Variants in PCDH15 observed in about 807,000 individuals in gnomAD.
PCDH15 encodes the protein protocadherin related 15, also known as protocadherin-15.
Under a neutral mutation model 178.5 loss-of-function variants are expected in PCDH15, and 129 were observed. The ratio of observed to expected loss-of-function variants is 0.72; its 90% CI spans 0.63 to 0.84. PCDH15 has a LOEUF of 0.84. PCDH15 is among the 40% of genes least tolerant of loss of function. PCDH15 has a pLI of 0.00. For synonymous variants in PCDH15, 800 were observed against 732.0 expected (o/e 1.09, Z -1.50); for missense variants, 2,230 against 2,099.9 (o/e 1.06, Z -1.21).
At chr10:55,472,364 T>G (rs963854821) in intron 2 of PCDH15, among the ~76,000 whole-genome samples, 13 of 152,254 alleles carry the variant, frequency 8.5e-5, no homozygotes, top group African/African-American at 2.6e-4. Flanking sequence ...TGATTATGTT[T>G]CTTCACATTT....
Position 55,349,476 on chromosome 10 carries a change from C to T in PCDH15, c.-155-182825G>A, listed in dbSNP as rs115786879. Reference sequence around the variant, plus strand: ...GTTACAAAATGACTGCTTCCTGGTGCTCTTGTTTTTTCAAGATATAATGGT... The same window carrying T: ...GTTACAAAATGACTGCTTCCTGGTGTTCTTGTTTTTTCAAGATATAATGGT... On this transcript the variant is annotated intron_variant, in intron 2 of 5. Transcript: ENST00000613346. 2.4e-3 allele frequency among the ~76,000 whole-genome samples: 359 copies of T among 152,098 alleles called. 2 individuals are homozygous for T. The highest frequency in any genetic ancestry group is 8.2e-3 in the African/African-American group (342 of 41,512).
intron 2 of PCDH15, among the ~76,000 whole-genome samples, chr10:55,405,620 A>G (rs1838180893): frequency 6.6e-6 from 1 of 151,826 alleles, no homozygotes; most frequent in Non-Finnish European, 1.5e-5. Flanking sequence ...AATTAGAATG[A>G]TATGCACTTC....
chr10:55,145,655 A>G (rs746962226), intron 2 of PCDH15, among the ~76,000 whole-genome samples: 9 of 151,994 alleles, frequency 5.9e-5, no homozygotes, highest in Non-Finnish European at 4.4e-5. Context: ...GGCAGTGTTT[A>G]TATCATTAGT....
intron 25 of PCDH15, among the ~76,000 whole-genome samples, chr10:53,931,502 T>C (rs1372558642): frequency 6.6e-6 from 1 of 152,168 alleles, no homozygotes; most frequent in Admixed American, 6.5e-5. Flanking sequence ...ACAAAACAGA[T>C]ACAAACTTCT....
At chr10:55,481,233 C>G (rs1343618200) in intron 2 of PCDH15, among the ~76,000 whole-genome samples, 1 of 151,412 alleles carries the variant, frequency 6.6e-6, no homozygotes, top group Non-Finnish European at 1.5e-5. Context: ...CTGTTTTTTA[C>G]TTTATTATTC....
intron 26 of PCDH15, among the ~76,000 whole-genome samples, chr10:53,888,318 G>GTATATATATGTATGTAAATATATA (rs1238264864): frequency 1.1e-5 from 1 of 91,786 alleles, no homozygotes; most frequent in Non-Finnish European, 1.9e-5. Context: ...ATGTATATAT[G>GTATATATATGTATGTAAATATATA]TACGTATATA....
intron 2 of PCDH15, among the ~76,000 whole-genome samples, chr10:55,113,385 G>A (rs1045000556): frequency 1.3e-5 from 2 of 150,826 alleles, no homozygotes; most frequent in Admixed American, 6.6e-5. Context: ...ATTTTTAAGA[G>A]CTTAGGTTTT....
intron 2 of PCDH15, among the ~76,000 whole-genome samples, chr10:54,595,091 C>A (rs1200147990): frequency 3.3e-5 from 5 of 152,200 alleles, no homozygotes; most frequent in Non-Finnish European, 7.4e-5. Flanking sequence ...TACAAACACC[C>A]ACATGGAGGC....
chr10:55,437,983 T>C (rs1008528759), intron 2 of PCDH15, among the ~76,000 whole-genome samples: 13 of 151,776 alleles, frequency 8.6e-5, no homozygotes, highest in Non-Finnish European at 1.6e-4. Context: ...ATTACAGGCA[T>C]GTGCCACCAC....
chr10:55,246,118 G>GTAGC (rs1455438271), intron 1 of PCDH15, among the ~76,000 whole-genome samples: 1 of 152,196 alleles, frequency 6.6e-6, no homozygotes, highest in Non-Finnish European at 1.5e-5. Flanking sequence ...GTTCCAGCCA[G>GTAGC]TAGCTATTCA....
At chr10:54,614,163 A>G (rs2093056006) in intron 2 of PCDH15, among the ~76,000 whole-genome samples, 1 of 151,984 alleles carries the variant, frequency 6.6e-6, no homozygotes, top group Non-Finnish European at 1.5e-5. Flanking sequence ...TTGTAATTAT[A>G]TATTAGTATA....
Position 55,066,068 on chromosome 10 carries a change from A to AT in PCDH15, c.-80+100507dup, listed in dbSNP as rs752172975. ...TTATTTTTGTTCACATATGTCAGGA[A>AT]TTTTTTTTGCTTTATTTATATGCTA... On this transcript the variant is annotated intron_variant, in intron 2 of 5. Coordinates refer to the PCDH15 transcript ENST00000458638. Among the ~76,000 whole-genome samples, 177 of 151,590 alleles carry AT rather than the reference A, an allele frequency of 1.2e-3. 1 individual carries two copies. Among genetic ancestry groups the AT allele is most frequent in the Admixed American group, 2.5e-3 (38 of 15,160 alleles).
intron 3 of PCDH15, among the ~76,000 whole-genome samples, chr10:54,895,538 GC>G (rs1249139276): frequency 6.6e-6 from 1 of 152,088 alleles, no homozygotes; most frequent in African/African-American, 2.4e-5. Flanking sequence ...AGAGGATTTT[GC>G]CCCCTTTGCA....
chr10:53,947,873 A>T (rs574440304), intron 23 of PCDH15, among the ~76,000 whole-genome samples: 3 of 152,316 alleles, frequency 2.0e-5, no homozygotes, highest in Non-Finnish European at 4.4e-5. Context: ...AATTTATCCA[A>T]ATATTTGAAA....
chr10:55,145,122 G>T (rs1282101994), intron 2 of PCDH15, among the ~76,000 whole-genome samples: 1 of 151,962 alleles, frequency 6.6e-6, no homozygotes, highest in Non-Finnish European at 1.5e-5. Flanking sequence ...ATTCTTTCCA[G>T]CTATTTCCTC....
At chr10:55,424,060 T>G (rs558163490) in intron 2 of PCDH15, among the ~76,000 whole-genome samples, 24 of 152,224 alleles carry the variant, frequency 1.6e-4, no homozygotes, top group African/African-American at 5.5e-4. Flanking sequence ...GATCTATTTT[T>G]GCATGAGGCT....
intron 2 of PCDH15, among the ~76,000 whole-genome samples, chr10:55,047,057 T>C (rs184047912): frequency 5.9e-5 from 9 of 151,976 alleles, no homozygotes; most frequent in Admixed American, 5.3e-4. Context: ...CATGCTTCAG[T>C]TGAATATCTA....
intron 15 of PCDH15, among the ~76,000 whole-genome samples, chr10:54,113,240 T>A (rs543432513): frequency 6.6e-6 from 1 of 152,108 alleles, no homozygotes; most frequent in East Asian, 1.9e-4. Context: ...AAATTTATAG[T>A]TGAGGGGATA....
chr10:55,291,904 TA>T (rs1218207283), intron 1 of PCDH15, among the ~76,000 whole-genome samples: 1 of 152,068 alleles, frequency 6.6e-6, no homozygotes, highest in African/African-American at 2.4e-5. Context: ...ATAAAACCAC[TA>T]GATCTTGTGA....
Sources: allele counts gnomAD v4.1 joint callset (sites outside exome capture counted in the v4.1 genomes callset), GRCh38; gene constraint gnomAD v4.1.1; transcripts MANE v1.5; gene names NCBI Gene and HGNC (gene_info 2026-07-23, HGNC 2026-07-21).